SNX4: variants seen among roughly 807,000 people sequenced by gnomAD.
The protein encoded by SNX4 is sorting nexin-4.
In SNX4, 49 loss-of-function variants were observed where a neutral mutation model predicts 70.8. That is an observed-to-expected ratio of 0.69 (90% CI 0.55 to 0.88). The LOEUF is 0.88. SNX4 is among the 40% of genes least tolerant of loss of function. The probability of loss-of-function intolerance (pLI) is 0.00; values close to 1 mark genes in which losing one functional copy is unlikely to be tolerated. For synonymous variants in SNX4, 206 were observed against 183.8 expected (o/e 1.12, Z -0.98); for missense variants, 528 against 544.8 (o/e 0.97, Z 0.31).
chr3:125,491,045 T>C (rs1391130039), intron 5 of SNX4, among the ~76,000 whole-genome samples: 1 of 152,192 alleles, frequency 6.6e-6, no homozygotes, highest in Non-Finnish European at 1.5e-5. Context: ...ACAAATATAC[T>C]ACTCACAAGT....
chr3:125,514,809 G>A (rs1935240208), intron 1 of SNX4, among the ~76,000 whole-genome samples: 1 of 152,036 alleles, frequency 6.6e-6, no homozygotes, highest in Non-Finnish European at 1.5e-5. Context: ...TCAGCCTCCT[G>A]AGCAGCTGGG....
chr3:125,505,782 T>C (rs1935031957), intron 1 of SNX4, among the ~76,000 whole-genome samples: 1 of 152,164 alleles, frequency 6.6e-6, no homozygotes, highest in Non-Finnish European at 1.5e-5. Flanking sequence ...TGACCCCCTT[T>C]TGTAAGCCAG....
chr3:125,501,271 G>A lies in SNX4; in HGVS notation c.264-3077C>T, dbSNP rs193221731. Among the ~76,000 whole-genome samples the A allele has an allele frequency of 3.0e-3, 452 of 151,942 alleles. 1 individual carries two copies. The highest frequency in any genetic ancestry group is 4.5e-3 in the Non-Finnish European group (304 of 68,018). ...ACATAAATCATAAAGAGAAAAGACA[G>A]ATAAACCTGTCTTAAAATGGAAAGC... On this transcript the variant is annotated intron_variant, in intron 2 of 13. Coordinates refer to ENST00000251775, the MANE Select transcript of SNX4 (RefSeq NM_003794.4).
intron 9 of SNX4, among the ~76,000 whole-genome samples, chr3:125,468,274 G>A (rs992814577): frequency 6.6e-6 from 1 of 152,156 alleles, no homozygotes; most frequent in East Asian, 1.9e-4. Context: ...GGTGAGAATC[G>A]AAAAACCACC....
chr3:125,519,963 A>AGCCCAGCCCAGCCCG (rs1159036859), intron 1 of SNX4, 69 bp downstream of exon 1: 4 of 671,456 alleles, frequency 6.0e-6, no homozygotes, highest in Non-Finnish European at 6.4e-6. Context: ...AGCCCAGCCC[A>AGCCCAGCCCAGCCCG]GCCCAGCCCA....
At chr3:125,508,649 A>G (rs933429200) in intron 1 of SNX4, among the ~76,000 whole-genome samples, 1 of 152,198 alleles carries the variant, frequency 6.6e-6, no homozygotes, top group Admixed American at 6.5e-5. Flanking sequence ...AGCTACAGTA[A>G]TAACAACAAC....
chr3:125,519,214 G>T (rs1935343289), intron 1 of SNX4, among the ~76,000 whole-genome samples: 1 of 151,994 alleles, frequency 6.6e-6, no homozygotes, highest in African/African-American at 2.4e-5. Context: ...GTTTCTTAAA[G>T]GTTTCAATAT....
chr3:125,512,903 C>T (rs1385955487), intron 1 of SNX4, among the ~76,000 whole-genome samples: 12 of 152,088 alleles, frequency 7.9e-5, no homozygotes, highest in Admixed American at 5.9e-4. Flanking sequence ...GCTGGGATTA[C>T]AGGTGTGTAC....
At chr3:125,519,942 C>G in intron 1 of SNX4, 90 bp downstream of exon 1, 1 of 901,910 alleles carries the variant, frequency 1.1e-6, no homozygotes, top group Middle Eastern at 3.1e-4. Context: ...CCCACTGGCC[C>G]GGCCCGGCCC....
At chr3:125,494,303 T>C (rs1485642495) in intron 5 of SNX4, among the ~76,000 whole-genome samples, 2 of 152,134 alleles carry the variant, frequency 1.3e-5, no homozygotes, top group Admixed American at 1.3e-4. Context: ...TAATATGGGA[T>C]GGTAATTAAG....
At chr3:125,461,843 A>C (rs1933893905) in intron 9 of SNX4, among the ~76,000 whole-genome samples, 1 of 151,990 alleles carries the variant, frequency 6.6e-6, no homozygotes, top group Non-Finnish European at 1.5e-5. Context: ...TTGTATTTTT[A>C]GTAGAGAAGG....
chr3:125,479,069 T>C (rs1231018840), intron 7 of SNX4, among the ~76,000 whole-genome samples: 1 of 152,206 alleles, frequency 6.6e-6, no homozygotes, highest in Non-Finnish European at 1.5e-5. Flanking sequence ...TATTGTATTT[T>C]TTCTGTACTG....
At chr3:125,458,090 C>T (rs1389593084) in intron 10 of SNX4, among the ~76,000 whole-genome samples, 1 of 151,580 alleles carries the variant, frequency 6.6e-6, no homozygotes, top group African/African-American at 2.4e-5. Context: ...ATGCTGTAAT[C>T]TCACATAGCA....
intron 1 of SNX4, among the ~76,000 whole-genome samples, chr3:125,515,277 G>A (rs893973566): frequency 1.3e-5 from 2 of 151,890 alleles, no homozygotes; most frequent in African/African-American, 2.4e-5. Flanking sequence ...GCTTGAACCC[G>A]GGAGATGAAG....
At chr3:125,451,774 A>G (rs1487757778) in intron 12 of SNX4, among the ~76,000 whole-genome samples, 2 of 151,920 alleles carry the variant, frequency 1.3e-5, no homozygotes, top group Non-Finnish European at 2.9e-5. Flanking sequence ...TTACAGGCAC[A>G]CGCCACTACG....
chr3:125,484,657 C>T (rs1270012797), intron 6 of SNX4, among the ~76,000 whole-genome samples: 1 of 152,122 alleles, frequency 6.6e-6, no homozygotes, highest in African/African-American at 2.4e-5. Context: ...TGAAAAGACC[C>T]TCCATCAAGG....
chr3:125,481,628 C>T (rs1237946539), intron 6 of SNX4, among the ~76,000 whole-genome samples: 1 of 152,056 alleles, frequency 6.6e-6, no homozygotes, highest in Non-Finnish European at 1.5e-5. Flanking sequence ...TTAGTAGAGA[C>T]AGGGTTTCTC....
chr3:125,462,337 G>A (rs1024658818), intron 9 of SNX4, among the ~76,000 whole-genome samples: 1 of 151,964 alleles, frequency 6.6e-6, no homozygotes, highest in African/African-American at 2.4e-5. Flanking sequence ...CTAAAGCCAG[G>A]GCAGATGGAA....
chr3:125,495,277 TAC>T (rs1553727769), intron 5 of SNX4, among the ~76,000 whole-genome samples: 5 of 99,610 alleles, frequency 5.0e-5, no homozygotes, highest in African/African-American at 1.4e-4. Flanking sequence ...TATATATATA[TAC>T]ACATACACAC....
Sources: gnomAD v4.1 joint callset for allele counts (sites outside exome capture counted in the v4.1 genomes callset) on GRCh38, gnomAD v4.1.1 for gene constraint, MANE v1.5 for transcripts, NCBI Gene and HGNC (gene_info 2026-07-23, HGNC 2026-07-21) for gene names.